Variants in ABCA9 observed in about 807,000 individuals in gnomAD.
ABCA9 encodes the protein ATP binding cassette subfamily A member 9, also known as ATP-binding cassette sub-family A member 9.
Under a neutral mutation model 205.3 loss-of-function variants are expected in ABCA9, and 183 were observed. That is an observed-to-expected ratio of 0.89 (90% CI 0.79 to 1.01). The LOEUF is 1.01. Ranked by LOEUF, ABCA9 falls within the 50% of genes least tolerant of loss-of-function variation. The pLI, the probability that ABCA9 is intolerant of heterozygous loss-of-function variation, is 0.00. For synonymous variants in ABCA9, 651 were observed against 683.3 expected (o/e 0.95, Z 0.74); for missense variants, 1,805 against 1,912.4 (o/e 0.94, Z 1.05).
the ABCA9 span, among the ~76,000 whole-genome samples, chr17:69,068,649 C>G: frequency 6.6e-6 from 1 of 152,110 alleles, no homozygotes; most frequent in Non-Finnish European, 1.5e-5. Flanking sequence ...ATAGATATAT[C>G]TTTACCCCAA....
chr17:69,048,655 C>T (rs987161990), intron 3 of ABCA9, among the ~76,000 whole-genome samples: 1 of 152,198 alleles, frequency 6.6e-6, no homozygotes, highest in African/African-American at 2.4e-5. Flanking sequence ...GCTTCAATAG[C>T]ATTCCAAAAC....
chr17:69,074,960 A>G, the ABCA9 span, among the ~76,000 whole-genome samples: 1 of 152,138 alleles, frequency 6.6e-6, no homozygotes. Context: ...ATAATAAGGT[A>G]TCTCATTGTG....
intron 25 of ABCA9, among the ~76,000 whole-genome samples, chr17:68,999,974 G>C (rs2069787255): frequency 6.6e-6 from 1 of 152,186 alleles, no homozygotes; most frequent in African/African-American, 2.4e-5. Flanking sequence ...TGATGGGGTT[G>C]TTTGTTTTTT....
intron 1 of ABCA9, among the ~76,000 whole-genome samples, chr17:69,052,273 G>A (rs2071929278): frequency 6.6e-6 from 1 of 152,132 alleles, no homozygotes; most frequent in Non-Finnish European, 1.5e-5. Context: ...TACTTGGGAG[G>A]TTGAGGCAGA....
intron 3 of ABCA9, among the ~76,000 whole-genome samples, chr17:69,047,270 T>G (rs1270203866): frequency 6.6e-6 from 1 of 150,752 alleles, no homozygotes; most frequent in Admixed American, 6.7e-5. Context: ...AATGATTTTG[T>G]GCATAAAACA....
intron 25 of ABCA9, among the ~76,000 whole-genome samples, chr17:68,996,987 A>G (rs1366061224): frequency 6.6e-6 from 1 of 152,088 alleles, no homozygotes; most frequent in East Asian, 1.9e-4. Context: ...CTGGAGTGCA[A>G]TGGCACAATC....
chr17:69,017,524 T>G (rs2070662196), intron 21 of ABCA9, 132 bp downstream of exon 21: 1 of 962,866 alleles, frequency 1.0e-6, no homozygotes, highest in South Asian at 1.9e-5. Flanking sequence ...GTAGTCCAGC[T>G]TCTTCTATAA....
At chr17:69,024,799 C>T (rs1158357540) in intron 16 of ABCA9, among the ~76,000 whole-genome samples, 1 of 152,032 alleles carries the variant, frequency 6.6e-6, no homozygotes, top group East Asian at 1.9e-4. Context: ...GAATGTGGCC[C>T]CATGTCATGC....
intron 25 of ABCA9, among the ~76,000 whole-genome samples, chr17:69,007,264 G>A (rs906861828): frequency 6.6e-6 from 1 of 152,118 alleles, no homozygotes; most frequent in African/African-American, 2.4e-5. Context: ...AGCCGGGTGT[G>A]GTGGCGCACA....
At chr17:69,011,711 T>C (rs942308877) in intron 23 of ABCA9, 2 of 331,380 alleles carry the variant, frequency 6.0e-6, no homozygotes, top group Non-Finnish European at 1.1e-5. Flanking sequence ...GTAAGTCTTA[T>C]AAGTCAAATT....
chr17:69,065,396 T>C (rs1356342873), upstream of ABCA9, among the ~76,000 whole-genome samples: 1 of 152,206 alleles, frequency 6.6e-6, no homozygotes, highest in Non-Finnish European at 1.5e-5. Context: ...ACAATCTTTC[T>C]GACATAGAAT....
chr17:69,027,722 T>G lies in ABCA9; in HGVS notation c.1709A>C (p.Gln570Pro). 1 of 1,613,206 alleles carries G rather than the reference T, an allele frequency of 6.2e-7. No homozygotes were observed. Among genetic ancestry groups the G allele is most frequent in the Non-Finnish European group, 8.5e-7 (1 of 1,179,774 alleles). ...TTCTTTCACAGTGAGAAATCCAAATTGCACATTGGATTGTGGACAAAATCC... is the reference window on the plus strand; with the variant it reads ...TTCTTTCACAGTGAGAAATCCAAATGGCACATTGGATTGTGGACAAAATCC... ...FTGFCPQSNVQFGFLTVKENL... is the reference protein window; with the variant it reads ...FTGFCPQSNVPFGFLTVKENL... Residue 570 changes from glutamine to proline, a missense_variant, in exon 13 of 39, where the codon CAA becomes CCA. Transcript: ENST00000340001.
At chr17:68,980,608 A>C (rs1262077768) in intron 37 of ABCA9, among the ~76,000 whole-genome samples, 3 of 152,124 alleles carry the variant, frequency 2.0e-5, no homozygotes, top group Admixed American at 2.0e-4. Flanking sequence ...TGCAGCCATA[A>C]AAATGATGAG....
At chr17:69,016,426 A>G (rs765061749) in intron 21 of ABCA9, 36 bp from the exon 22 acceptor site, 10 of 1,522,136 alleles carry the variant, frequency 6.6e-6, no homozygotes, top group Non-Finnish European at 5.3e-6. Flanking sequence ...AAGTCTTCAT[A>G]AAGCAAAGAC....
At chr17:68,985,174 G>A in intron 32 of ABCA9, 46 bp from the exon 33 acceptor site, 2 of 1,604,254 alleles carry the variant, frequency 1.2e-6, no homozygotes, top group South Asian at 1.1e-5. Context: ...ACTGGCGAAT[G>A]TACATGGGAG....
chr17:68,983,019 A>T (rs76734909), intron 36 of ABCA9, among the ~76,000 whole-genome samples: 1 of 152,154 alleles, frequency 6.6e-6, no homozygotes. Context: ...AAATGAAAAT[A>T]AAAAAATGAA....
At chr17:68,990,674 C>G (rs2069419534) in intron 29 of ABCA9, among the ~76,000 whole-genome samples, 163 bp downstream of exon 29, 3 of 152,186 alleles carry the variant, frequency 2.0e-5, no homozygotes, top group Admixed American at 2.0e-4. Flanking sequence ...TTTCTTTGCT[C>G]TCTTACATTT....
chr17:69,017,936 C>G, intron 20 of ABCA9, 147 bp from the exon 21 acceptor site: 1 of 851,500 alleles, frequency 1.2e-6, no homozygotes, highest in Non-Finnish European at 1.8e-6. Context: ...TGTTCTGGTA[C>G]AACAATCCAG....
intron 6 of ABCA9, among the ~76,000 whole-genome samples, chr17:69,037,849 G>A (rs1006041446): frequency 6.6e-6 from 1 of 151,222 alleles, no homozygotes; most frequent in Non-Finnish European, 1.5e-5. Flanking sequence ...AAAGAGAGAA[G>A]AATCAAATAG....
Sources: gnomAD v4.1 joint callset for allele counts (sites outside exome capture counted in the v4.1 genomes callset) on GRCh38, gnomAD v4.1.1 for gene constraint, MANE v1.5 for transcripts, NCBI Gene and HGNC (gene_info 2026-07-23, HGNC 2026-07-21) for gene names.